ZNF672: variants seen among roughly 807,000 people sequenced by gnomAD.
The protein encoded by ZNF672 is hypothetical protein FLJ22301.
For missense variants in ZNF672, 733 were observed against 701.1 expected (o/e 1.05, Z -0.51); for synonymous variants, 358 against 305.6 (o/e 1.17, Z -1.79).
intron 3 of ZNF672, among the ~76,000 whole-genome samples, chr1:248,846,579 G>A (rs1053256592): frequency 2.0e-5 from 3 of 152,170 alleles, no homozygotes; most frequent in Non-Finnish European, 2.9e-5. Flanking sequence ...CACATTACCC[G>A]CTTTGTTCTT....
At position 248,848,115 on chromosome 1, in the gene ZNF672, C is replaced by T. The variant is rs1157569885; in HGVS notation, c.841C>T (p.Arg281Trp). The T allele has an allele frequency of 1.3e-6, 2 of 1,555,702 alleles. No homozygotes were observed. Among genetic ancestry groups the T allele is most frequent in the Non-Finnish European group, 1.7e-6 (2 of 1,154,190 alleles). ...LRHRRSHQGE[R>W]PHACATCGKG... Reference sequence around the variant, plus strand: ...CCATCGGCGCAGCCATCAGGGCGAGCGGCCACATGCGTGCGCCACTTGCGG... The same window carrying T: ...CCATCGGCGCAGCCATCAGGGCGAGTGGCCACATGCGTGCGCCACTTGCGG... Residue 281 changes from arginine to tryptophan, a missense_variant, in exon 4 of 4, where the codon CGG becomes TGG. By Grantham distance (101) the Arg-to-Trp change is moderately radical (BLOSUM62 -3). Transcript: ENST00000306562.
chr1:248,847,986 G>A lies in ZNF672; in HGVS notation c.712G>A (p.Glu238Lys). The change falls in exon 4 of 4, where the codon GAG becomes AAG. Residue 238 changes from glutamate (E) to lysine (K), a missense_variant. Glu to Lys is a moderately conservative substitution (Grantham distance 56, BLOSUM62 1). Coordinates refer to ENST00000306562, the MANE Select transcript of ZNF672 (RefSeq NM_024836.3). ...CCCGGAGTGCGGCAAGGGCTTCCTG[G>A]AGAGCGCCACGCTGGTGCGCCACCA... ...KCPECGKGFL[E>K]SATLVRHQRT... 1 of 1,558,632 alleles carries A rather than the reference G, an allele frequency of 6.4e-7. No homozygotes were observed.
rs775145336 is a variant in ZNF672, at chr1:248,848,116, GGCCACATGCGTGC to G, written c.848_860del (p.His283LeufsTer168). ...CATCGGCGCAGCCATCAGGGCGAGC[GGCCACATGCGTGC>G]GCCACTTGCGGCAAGGGTTTCGGGC... On this transcript the variant is annotated frameshift_variant, in exon 4 of 4. Transcript: ENST00000306562. LOFTEE classifies it low-confidence loss of function (END_TRUNC). The G allele has an allele frequency of 1.9e-6, 3 of 1,557,798 alleles. No individual in the cohort carries two copies. Among genetic ancestry groups the G allele is most frequent in the Admixed American group, 1.9e-5 (1 of 52,600 alleles).
intron 1 of ZNF672, among the ~76,000 whole-genome samples, 167 bp from the exon 2 acceptor site, chr1:248,844,316 G>A (rs1247996993): frequency 5.9e-5 from 9 of 152,066 alleles, no homozygotes; most frequent in East Asian, 1.9e-4. Context: ...CAATTCACAC[G>A]TAATTTCCCC....
At position 248,845,652 on chromosome 1, in the gene ZNF672, C is replaced by G. The variant is rs1455599377; in HGVS notation, c.-234C>G. 4 of 152,168 alleles carry G rather than the reference C, an allele frequency of 2.6e-5. No homozygotes were observed. The highest frequency in any genetic ancestry group is 9.7e-5 in the African/African-American group (4 of 41,442). 9.4% of individuals were successfully genotyped at this position (152,168 alleles called of 1,614,324 possible). A position where few individuals can be genotyped will look rare whatever the true frequency, so the allele number is the denominator to read the frequency against. On this transcript the variant is annotated 5_prime_UTR_variant, in exon 3 of 4. Transcript: ENST00000306562. ...GTGGGGCAGCAGAAGCTCCAGAGCC[C>G]AGACTTGCAGGTTTGCTATTTTCAC...
At chr1:248,840,035 G>A (rs1317109678) in intron 1 of ZNF672, among the ~76,000 whole-genome samples, 1 of 151,302 alleles carries the variant, frequency 6.6e-6, no homozygotes, top group Non-Finnish European at 1.5e-5. Context: ...CACCATGCCC[G>A]GCAAGATTTA....
intron 1 of ZNF672, among the ~76,000 whole-genome samples, chr1:248,839,782 A>C (rs943184132): frequency 2.4e-5 from 3 of 126,418 alleles, no homozygotes; most frequent in African/African-American, 9.6e-5. Flanking sequence ...TCTGTCGTCC[A>C]GGCTGGAGTA....
At chr1:248,840,087 C>T (rs893960603) in intron 1 of ZNF672, among the ~76,000 whole-genome samples, 18 of 147,938 alleles carry the variant, frequency 1.2e-4, no homozygotes, top group African/African-American at 4.0e-4. Flanking sequence ...ATAATAATAG[C>T]TTTTTTTAAT....
At chr1:248,843,746 C>T (rs1664713693) in intron 1 of ZNF672, among the ~76,000 whole-genome samples, 1 of 152,168 alleles carries the variant, frequency 6.6e-6, no homozygotes, top group Non-Finnish European at 1.5e-5. Context: ...CAATGCTAAA[C>T]ATTATTAATG....
intron 1 of ZNF672, among the ~76,000 whole-genome samples, chr1:248,840,967 C>T (rs1275075383): frequency 1.3e-5 from 2 of 150,804 alleles, no homozygotes; most frequent in Non-Finnish European, 2.9e-5. Flanking sequence ...GGTACGATGA[C>T]TGTAGTCATA....
At position 248,847,837 on chromosome 1, in the gene ZNF672, G is replaced by C; in HGVS notation, c.563G>C (p.Arg188Pro). 6.4e-7 allele frequency: 1 copy of C among 1,572,188 alleles called. No homozygotes were observed. Among genetic ancestry groups the C allele is most frequent in the Non-Finnish European group, 8.6e-7 (1 of 1,163,332 alleles). Residue 188 changes from arginine to proline, a missense_variant, in exon 4 of 4, where the codon CGG becomes CCG. Physicochemically the swap from Arg to Pro is moderately radical, Grantham distance 103. Transcript: ENST00000306562. The stretch of plus-strand genomic sequence containing the variant: ...AGTCACGCGCGCATCCACGTGTCCC[G>C]GAGCCCCACGCGACCCCGTGTCTCA... ...LRSHARIHVS[R>P]SPTRPRVSDA... is the part of the protein sequence containing the mutation.
chr1:248,847,739 C>T lies in ZNF672; in HGVS notation c.465C>T (p.Thr155=). ...HQARAHPLGT[T]SDPAAPPHRC... is the part of the protein sequence containing the mutation. ...CGCGGGCGCACCCCTTGGGGACAACCTCTGACCCTGCTGCCCCACCCCACC... is the reference window on the plus strand; with the variant it reads ...CGCGGGCGCACCCCTTGGGGACAACTTCTGACCCTGCTGCCCCACCCCACC... Residue 155 remains threonine, a synonymous_variant, in exon 4 of 4, where the codon ACC becomes ACT. Coordinates refer to ENST00000306562, the MANE Select transcript of ZNF672 (RefSeq NM_024836.3). 2 of 1,479,376 alleles carry T rather than the reference C, an allele frequency of 1.4e-6. No individual in the cohort carries two copies. The allele number at this position is 1,479,376 out of a possible 1,614,324, so 91.6% of individuals were successfully genotyped here.
Position 248,848,531 on chromosome 1 carries a change from C to G in ZNF672, c.1257C>G (p.Arg419=), listed in dbSNP as rs550803825. ...SLSQHQRAHT[R]ARTAAAVAIQ... ...CACAGCATCAGCGGGCCCACACGCG[C>G]GCCCGCACCGCTGCCGCCGTTGCCA... Residue 419 remains arginine, a synonymous_variant, in exon 4 of 4, where the codon CGC becomes CGG. Coordinates refer to ENST00000306562, the MANE Select transcript of ZNF672 (RefSeq NM_024836.3). 6 of 1,597,312 alleles carry G rather than the reference C, an allele frequency of 3.8e-6. No homozygotes were observed. In the African/African-American group the frequency reaches 6.7e-5, roughly 18 times the overall value.
chr1:248,840,408 G>C (rs1322112147), intron 1 of ZNF672, among the ~76,000 whole-genome samples: 1 of 152,190 alleles, frequency 6.6e-6, no homozygotes, highest in African/African-American at 2.4e-5. Flanking sequence ...CTTTACTAAA[G>C]TTTTCCCATC....
chr1:248,847,314 T>A lies in ZNF672; in HGVS notation c.40T>A (p.Tyr14Asn), dbSNP rs1659152360. The A allele has an allele frequency of 6.2e-7, 1 of 1,607,952 alleles. No homozygotes were observed. The highest frequency in any genetic ancestry group is 8.5e-7 in the Non-Finnish European group (1 of 1,174,836). The change falls in exon 4 of 4, where the codon TAC becomes AAC. Residue 14 changes from tyrosine (Y) to asparagine (N), a missense_variant. Physicochemically the swap from Tyr to Asn is moderately radical, Grantham distance 143. Transcript: ENST00000306562. ...TGGGGCAGTGGCAGCGGGGAAGCCTTACTCGTGCAGCGAATGTGGCAAGAG... is the reference window on the plus strand; with the variant it reads ...TGGGGCAGTGGCAGCGGGGAAGCCTAACTCGTGCAGCGAATGTGGCAAGAG... Reference protein sequence around the residue: ...TSGAVAAGKPYSCSECGKSFC... With the variant: ...TSGAVAAGKPNSCSECGKSFC...
At position 248,848,309 on chromosome 1, in the gene ZNF672, C is replaced by CA. The variant is rs763815072; in HGVS notation, c.1037dup (p.Arg347AlafsTer93). The CA allele has an allele frequency of 7.5e-6, 12 of 1,602,190 alleles. No individual in the cohort carries two copies. In the African/African-American group the frequency reaches 1.6e-4, roughly 21 times the overall value. On this transcript the variant is annotated frameshift_variant, in exon 4 of 4. Coordinates refer to ENST00000306562, the MANE Select transcript of ZNF672 (RefSeq NM_024836.3). LOFTEE classifies it low-confidence loss of function (END_TRUNC). The stretch of plus-strand genomic sequence containing the variant: ...AGCCCTACCGCTGCGAACTGTGCGG[C>CA]AAGCGGTTCACGTGCGTGTCCAATC...
rs1322584688 is a variant in ZNF672 at position 248,847,848 on chromosome 1, C to T, written c.574C>T (p.Arg192Ter). 1.9e-6 allele frequency: 3 copies of T among 1,579,118 alleles called. No homozygotes were observed. Among genetic ancestry groups the T allele is most frequent in the Non-Finnish European group, 2.6e-6 (3 of 1,166,478 alleles). The stretch of plus-strand genomic sequence containing the variant: ...CATCCACGTGTCCCGGAGCCCCACG[C>T]GACCCCGTGTCTCAGACGCCCACCA... The part of the protein sequence containing the change: ...ARIHVSRSPT[R>*]PRVSDAHQCG... The change falls in exon 4 of 4, where the codon CGA (arginine) becomes TGA (stop). Residue 192 changes from arginine to a stop codon, truncating the protein, a stop_gained. Coordinates refer to ENST00000306562, the MANE Select transcript of ZNF672 (RefSeq NM_024836.3). LOFTEE classifies it low-confidence loss of function (END_TRUNC).
intron 1 of ZNF672, among the ~76,000 whole-genome samples, chr1:248,843,261 A>G (rs113196991): frequency 0.012 from 1,850 of 152,288 alleles, 36 homozygotes; most frequent in African/African-American, 0.043. Context: ...CGAAAGGGAA[A>G]CACATGTACA....
intron 1 of ZNF672, among the ~76,000 whole-genome samples, chr1:248,839,888 G>A (rs1434484503): frequency 1.3e-5 from 2 of 151,122 alleles, no homozygotes; most frequent in Non-Finnish European, 2.9e-5. Flanking sequence ...ACAGACGGGC[G>A]CCACCACACC....
Sources: allele counts gnomAD v4.1 joint callset (sites outside exome capture counted in the v4.1 genomes callset), GRCh38; gene constraint gnomAD v4.1.1; transcripts MANE v1.5; gene names NCBI Gene and HGNC (gene_info 2026-07-23, HGNC 2026-07-21).